The following DNAH12 variants were observed in gnomAD, a reference collection of about 807,000 sequenced individuals.
The protein encoded by DNAH12 is dynein axonemal heavy chain 12.
DNAH12 carries 285 observed loss-of-function variants against 371.5 expected under a neutral mutation model. The observed-to-expected ratio is 0.77, with a 90% confidence interval of 0.70 to 0.85. The LOEUF (loss-of-function observed/expected upper bound fraction) is 0.85, where lower values mean the gene tolerates loss of function less well. DNAH12 is among the 40% of genes least tolerant of loss of function. DNAH12 has a pLI of 0.00. For synonymous variants in DNAH12, 1,200 were observed against 1,213.0 expected (o/e 0.99, Z 0.22); for missense variants, 3,611 against 3,689.4 (o/e 0.98, Z 0.55).
chr3:57,435,213 A>T (rs2153366892), intron 30 of DNAH12, among the ~76,000 whole-genome samples: 1 of 152,092 alleles, frequency 6.6e-6, no homozygotes, highest in Non-Finnish European at 1.5e-5. Flanking sequence ...CTTTACTAAA[A>T]ATACCAAAAT....
At position 57,405,731 on chromosome 3, in the gene DNAH12, T is replaced by C; in HGVS notation, c.6498A>G (p.Leu2166=). The part of the protein sequence containing the change: ...NDDDRRWLFQ[L]TKTVIKDHFK... ...AATGGTCCTTTATAACAGTTTTAGT[T>C]AACTGGAACAGCCATCTTCGATCAT... The change falls in exon 41 of 74, where the codon TTA becomes TTG. Residue 2166 remains leucine (L), a synonymous_variant. Coordinates refer to ENST00000495027, the MANE Select transcript of DNAH12 (RefSeq NM_001366028.2). 6.4e-7 allele frequency: 1 copy of C among 1,551,706 alleles called. No individual in the cohort carries two copies. The highest frequency in any genetic ancestry group is 8.7e-7 in the Non-Finnish European group (1 of 1,146,980).
intron 62 of DNAH12, among the ~76,000 whole-genome samples, chr3:57,325,902 C>T (rs1367524836): frequency 3.3e-5 from 5 of 152,018 alleles, no homozygotes; most frequent in Non-Finnish European, 5.9e-5. Flanking sequence ...AGCCAAGGCA[C>T]GAGAACTATG....
chr3:57,554,736 C>T, the DNAH12 span, among the ~76,000 whole-genome samples: 1 of 152,072 alleles, frequency 6.6e-6, no homozygotes, highest in Non-Finnish European at 1.5e-5. Context: ...CTGCCTCAGC[C>T]TCCCTAGTAG....
At chr3:57,445,447 T>C in intron 27 of DNAH12, 28 bp from the exon 28 acceptor site, 1 of 1,452,590 alleles carries the variant, frequency 6.9e-7, no homozygotes, top group Non-Finnish European at 9.1e-7. Context: ...TGAAATATAT[T>C]ACGTACATAA....
chr3:57,526,728 T>C (rs1327363085), intron 2 of DNAH12, among the ~76,000 whole-genome samples: 2 of 151,978 alleles, frequency 1.3e-5, no homozygotes, highest in Non-Finnish European at 2.9e-5. Flanking sequence ...TTTCACCCAG[T>C]TGGCCAGGAT....
intron 37 of DNAH12, among the ~76,000 whole-genome samples, chr3:57,418,911 C>A (rs1379350198): frequency 3.3e-5 from 5 of 152,098 alleles, no homozygotes; most frequent in African/African-American, 1.2e-4. Context: ...TTTCATGTGT[C>A]TTTACTTTTG....
At chr3:57,481,483 T>C (rs1282405713) in intron 13 of DNAH12, among the ~76,000 whole-genome samples, 2 of 151,852 alleles carry the variant, frequency 1.3e-5, no homozygotes, top group Non-Finnish European at 2.9e-5. Context: ...ATCGTGAAAA[T>C]GGCCATACTG....
At chr3:57,484,381 G>C (rs1332955815) in intron 12 of DNAH12, among the ~76,000 whole-genome samples, 1 of 151,988 alleles carries the variant, frequency 6.6e-6, no homozygotes, top group Non-Finnish European at 1.5e-5. Context: ...ACATTTCATG[G>C]AATTTTTTCC....
chr3:57,426,610 G>A (rs752396157), intron 34 of DNAH12, among the ~76,000 whole-genome samples: 1 of 151,734 alleles, frequency 6.6e-6, no homozygotes, highest in Non-Finnish European at 1.5e-5. Flanking sequence ...TGGGCAGATT[G>A]CTTGAGGCCA....
chr3:57,340,175 T>C (rs1488964433), intron 60 of DNAH12, among the ~76,000 whole-genome samples: 1 of 151,708 alleles, frequency 6.6e-6, no homozygotes, highest in Non-Finnish European at 1.5e-5. Context: ...ACAGCAAGTA[T>C]AGCAAGAGGC....
chr3:57,424,669 G>A (rs763400337), intron 35 of DNAH12, among the ~76,000 whole-genome samples: 1 of 151,420 alleles, frequency 6.6e-6, no homozygotes, highest in Non-Finnish European at 1.5e-5. Flanking sequence ...TCAGCTACTC[G>A]GGAGGCTGAG....
chr3:57,516,515 AC>A (rs1553717058), intron 4 of DNAH12, among the ~76,000 whole-genome samples: 4 of 152,122 alleles, frequency 2.6e-5, no homozygotes, highest in Non-Finnish European at 5.9e-5. Flanking sequence ...GTCGCCAATT[AC>A]CCTGCAAAAT....
intron 55 of DNAH12, among the ~76,000 whole-genome samples, chr3:57,371,360 C>T (rs2063165899): frequency 6.6e-6 from 1 of 152,028 alleles, no homozygotes; most frequent in African/African-American, 2.4e-5. Context: ...TCATTTCTTA[C>T]AAAATGACTT....
At chr3:57,402,456 A>C (rs1000013510) in intron 43 of DNAH12, 7 of 1,302,206 alleles carry the variant, frequency 5.4e-6, no homozygotes, top group Non-Finnish European at 7.1e-6. Context: ...GATTACTACT[A>C]AGACAACATT....
rs538369085 is a variant in DNAH12, at chr3:57,402,550, G to C, written c.6948+759C>G. 87 of 751,788 alleles carry C rather than the reference G, an allele frequency of 1.2e-4. No individual in the cohort carries two copies. The African/African-American group carries it at 1.6e-3, about 14-fold the overall frequency. 46.6% of individuals were successfully genotyped at this position (751,788 alleles called of 1,614,324 possible). A position where few individuals can be genotyped will look rare whatever the true frequency, so the allele number is the denominator to read the frequency against. The stretch of plus-strand genomic sequence containing the variant: ...TCTGAAATAAGTCCTCTCTGAACTG[G>C]AATAAATATATAGTCAGTGGCACAA... On this transcript the variant is annotated intron_variant, in intron 43 of 73. Transcript: ENST00000495027.
intron 11 of DNAH12, among the ~76,000 whole-genome samples, chr3:57,493,451 T>C (rs1289112834): frequency 6.6e-6 from 1 of 152,228 alleles, no homozygotes; most frequent in Admixed American, 6.5e-5. Context: ...GACTTGAGCA[T>C]CTGCAGATTT....
chr3:57,551,534 T>TG, the DNAH12 span, among the ~76,000 whole-genome samples: 1 of 152,182 alleles, frequency 6.6e-6, no homozygotes, highest in Non-Finnish European at 1.5e-5. Context: ...GCTCCCAAAG[T>TG]GCTGGGATTA....
chr3:57,379,467 G>T (rs2063342664), intron 51 of DNAH12, among the ~76,000 whole-genome samples, 169 bp from the exon 52 acceptor site: 1 of 152,142 alleles, frequency 6.6e-6, no homozygotes, highest in African/African-American at 2.4e-5. Context: ...TGTAGCAGAA[G>T]TATGTCATAT....
At chr3:57,324,757 G>C (rs1052095761) in intron 62 of DNAH12, among the ~76,000 whole-genome samples, 1 of 152,238 alleles carries the variant, frequency 6.6e-6, no homozygotes, top group Non-Finnish European at 1.5e-5. Context: ...ACAAGCCGAA[G>C]CAGGGCGAGG....
Sources: allele counts gnomAD v4.1 joint callset (sites outside exome capture counted in the v4.1 genomes callset), GRCh38; gene constraint gnomAD v4.1.1; transcripts MANE v1.5; gene names NCBI Gene and HGNC (gene_info 2026-07-23, HGNC 2026-07-21).